The following COL25A1 variants were observed in gnomAD, a reference collection of about 807,000 sequenced individuals.
COL25A1 encodes collagen type XXV alpha 1 chain.
A neutral mutation model predicts 128.4 loss-of-function variants in COL25A1; 103 were observed. The ratio of observed to expected loss-of-function variants is 0.80; its 90% CI spans 0.68 to 0.94. COL25A1 has a LOEUF of 0.94. Among genes scored for constraint, COL25A1 ranks in the 40% least tolerant of loss-of-function variants. COL25A1 has a pLI of 0.00. For synonymous variants in COL25A1, 279 were observed against 277.2 expected (o/e 1.01, Z -0.06); for missense variants, 745 against 840.0 (o/e 0.89, Z 1.40).
At chr4:108,933,956 C>A (rs1747088294) in intron 11 of COL25A1, among the ~76,000 whole-genome samples, 1 of 151,932 alleles carries the variant, frequency 6.6e-6, no homozygotes, top group African/African-American at 2.4e-5. Flanking sequence ...ACTAGAATTA[C>A]CATTTGACCC....
chr4:108,879,739 G>A (rs1739891331), intron 19 of COL25A1, among the ~76,000 whole-genome samples: 1 of 147,524 alleles, frequency 6.8e-6, no homozygotes, highest in Non-Finnish European at 1.5e-5. Context: ...GAGCCACCGT[G>A]CCCGGCCTGG....
At chr4:108,869,049 GAA>G in intron 20 of COL25A1, 37 bp downstream of exon 20, 1 of 1,300,242 alleles carries the variant, frequency 7.7e-7, no homozygotes, top group Non-Finnish European at 1.1e-6. Context: ...AAGAAAGAAA[GAA>G]AAAGAAAGAA....
intron 33 of COL25A1, among the ~76,000 whole-genome samples, chr4:108,825,608 A>T (rs548554135): frequency 2.4e-4 from 36 of 152,342 alleles, no homozygotes; most frequent in African/African-American, 8.7e-4. Flanking sequence ...AAAGCTTGGT[A>T]TCTAAGTTAC....
At chr4:109,105,116 A>T (rs1323002905) in intron 3 of COL25A1, among the ~76,000 whole-genome samples, 1 of 152,136 alleles carries the variant, frequency 6.6e-6, no homozygotes, top group Admixed American at 6.6e-5. Flanking sequence ...CTAGTTGGGG[A>T]TAAATTATTT....
chr4:109,249,286 T>C (rs1329634440), intron 3 of COL25A1, among the ~76,000 whole-genome samples: 5 of 152,214 alleles, frequency 3.3e-5, no homozygotes, highest in African/African-American at 9.6e-5. Flanking sequence ...TAATAGACTA[T>C]AAGTAACTTG....
At chr4:109,129,255 G>A (rs374986706) in intron 3 of COL25A1, among the ~76,000 whole-genome samples, 10 of 151,852 alleles carry the variant, frequency 6.6e-5, no homozygotes, top group African/African-American at 1.7e-4. Context: ...TCAGCCTCCC[G>A]AGTAGGTGGG....
At position 108,942,294 on chromosome 4, in the gene COL25A1, C is replaced by T. The variant is rs181234191; in HGVS notation, c.493-857G>A. ...CTATGGACATAGCACAGCACCAAAA[C>T]AACACGACATAAAACGTCACACAGA... On this transcript the variant is annotated intron_variant, in intron 8 of 37. Transcript: ENST00000399132. 1.7e-4 allele frequency: 266 copies of T among 1,548,132 alleles called. No individual in the cohort carries two copies. The African/African-American group carries it at 3.4e-3, about 20-fold the overall frequency.
intron 19 of COL25A1, among the ~76,000 whole-genome samples, chr4:108,879,692 C>A (rs543908516): frequency 6.6e-6 from 1 of 152,134 alleles, no homozygotes. Flanking sequence ...AGTGATCCAC[C>A]CGCCTCGGCC....
intron 3 of COL25A1, among the ~76,000 whole-genome samples, chr4:109,169,645 A>G (rs1041176790): frequency 6.6e-6 from 1 of 152,202 alleles, no homozygotes; most frequent in Non-Finnish European, 1.5e-5. Flanking sequence ...TTAGTTTGAC[A>G]AAATAGTCCA....
intron 31 of COL25A1, among the ~76,000 whole-genome samples, chr4:108,837,633 G>A (rs1391007616): frequency 3.3e-5 from 5 of 152,112 alleles, no homozygotes; most frequent in Non-Finnish European, 7.3e-5. Context: ...TTAATGTAAG[G>A]AGCCACAGCA....
At chr4:109,199,072 C>A (rs765038862) in intron 3 of COL25A1, among the ~76,000 whole-genome samples, 20 of 152,266 alleles carry the variant, frequency 1.3e-4, no homozygotes, top group South Asian at 6.2e-4. Context: ...CTTTTCTTCA[C>A]TTTCTATTTC....
Position 108,989,749 on chromosome 4 carries a change from ATG to A in COL25A1, c.439-15192_439-15191del, listed in dbSNP as rs1753990490. On this transcript the variant is annotated intron_variant, in intron 6 of 37. Transcript: ENST00000399132. Reference sequence around the variant, plus strand: ...CCCAAAAGAGAGAAAACAGAACAACATGTTTCTGGAACTGTTTTTCTAACTAC... The same window carrying A: ...CCCAAAAGAGAGAAAACAGAACAACATTTCTGGAACTGTTTTTCTAACTAC... Among the ~76,000 whole-genome samples the A allele has an allele frequency of 2.6e-5, 4 of 152,220 alleles. No homozygotes were observed. The South Asian group carries it at 6.2e-4, about 24-fold the overall frequency.
At chr4:108,836,945 G>A (rs1733884228) in intron 31 of COL25A1, among the ~76,000 whole-genome samples, 1 of 152,204 alleles carries the variant, frequency 6.6e-6, no homozygotes, top group African/African-American at 2.4e-5. Context: ...TGGGCATGGT[G>A]GCATGCACCT....
intron 3 of COL25A1, among the ~76,000 whole-genome samples, chr4:109,217,528 C>T (rs1427973811): frequency 7.6e-6 from 1 of 131,354 alleles, no homozygotes; most frequent in Non-Finnish European, 1.6e-5. Context: ...GGTGGAAACA[C>T]TGAAGCTTTG....
intron 11 of COL25A1, among the ~76,000 whole-genome samples, chr4:108,928,286 A>G (rs1176221065): frequency 6.6e-6 from 1 of 152,216 alleles, no homozygotes; most frequent in Non-Finnish European, 1.5e-5. Context: ...GATTCACAGA[A>G]AAAGTTCTTA....
chr4:109,208,430 G>A lies in COL25A1; in HGVS notation c.367+92153C>T, dbSNP rs144165864. Among the ~76,000 whole-genome samples the A allele has an allele frequency of 8.6e-5, 13 of 151,164 alleles. No homozygotes were observed. The East Asian group carries it at 2.1e-3, about 25-fold the overall frequency. ...TCCACCTCACTCTGCACTTCAGAAT[G>A]TGGAGAACCCTGAAGGGAACATTTT... On this transcript the variant is annotated intron_variant, in intron 3 of 37. Transcript: ENST00000399132.
rs988775737 is a variant in COL25A1, at chr4:109,087,242, GA to G, written c.368-37064del. Among the ~76,000 whole-genome samples, 209 of 143,522 alleles carry G rather than the reference GA, an allele frequency of 1.5e-3. 1 individual carries two copies. Among genetic ancestry groups the G allele is most frequent in the African/African-American group, 2.5e-3 (99 of 39,308 alleles). 94.2% of individuals were successfully genotyped at this position (143,522 alleles called of 152,430 possible). The stretch of plus-strand genomic sequence containing the variant: ...GTGGCATTACTGTTTCTTTTAGCGT[GA>G]AAAAAAAAAAATCAAAACCAAAAAA... On this transcript the variant is annotated intron_variant, in intron 3 of 37. Transcript: ENST00000399132.
In COL25A1 at chr4:109,120,911, T is replaced by C. The variant is rs189417130; in HGVS notation, c.368-70732A>G. 5.2e-3 allele frequency among the ~76,000 whole-genome samples: 789 copies of C among 152,052 alleles called. 7 individuals are homozygous for C. Among genetic ancestry groups the C allele is most frequent in the African/African-American group, 0.018 (767 of 41,514 alleles). On this transcript the variant is annotated intron_variant, in intron 3 of 37. Coordinates refer to ENST00000399132, the MANE Select transcript of COL25A1 (RefSeq NM_198721.4). ...ATCTAAAAAAAATGTGCAAGATCTA[T>C]ATGAGGAAAACTACAAAACTCTGAT...
intron 3 of COL25A1, among the ~76,000 whole-genome samples, chr4:109,254,492 T>TAC (rs1780934314): frequency 1.7e-5 from 2 of 117,270 alleles, no homozygotes; most frequent in Admixed American, 1.8e-4. Flanking sequence ...TATATATATA[T>TAC]ATATATATAT....
Sources: gnomAD v4.1 joint callset for allele counts (sites outside exome capture counted in the v4.1 genomes callset) on GRCh38, gnomAD v4.1.1 for gene constraint, MANE v1.5 for transcripts, NCBI Gene and HGNC (gene_info 2026-07-23, HGNC 2026-07-21) for gene names.